MXI1: variants seen among roughly 807,000 people sequenced by gnomAD.
The protein encoded by MXI1 is max-interacting protein 1.
In MXI1, 18 loss-of-function variants were observed where a neutral mutation model predicts 36.9. The ratio of observed to expected loss-of-function variants is 0.49; its 90% CI spans 0.34 to 0.72. MXI1 has a LOEUF of 0.72. Ranked by LOEUF, MXI1 falls within the 30% of genes least tolerant of loss-of-function variation. The pLI is 0.01. For synonymous variants in MXI1, 160 were observed against 146.7 expected (o/e 1.09, Z -0.65); for missense variants, 304 against 379.1 (o/e 0.80, Z 1.64).
chr10:110,231,377 A>G (rs1855256208), intron 2 of MXI1, among the ~76,000 whole-genome samples: 1 of 142,252 alleles, frequency 7.0e-6, no homozygotes, highest in Non-Finnish European at 1.5e-5. Flanking sequence ...CCCCCCCTCA[A>G]AAAAGTAACT....
chr10:110,250,650 G>T (rs541892403), intron 3 of MXI1, among the ~76,000 whole-genome samples: 23 of 151,834 alleles, frequency 1.5e-4, no homozygotes, highest in African/African-American at 5.6e-4. Context: ...GGGCCAACAT[G>T]GTGAAACCCC....
At chr10:110,212,288 G>A (rs1321927298) in intron 1 of MXI1, among the ~76,000 whole-genome samples, 1 of 152,208 alleles carries the variant, frequency 6.6e-6, no homozygotes, top group African/African-American at 2.4e-5. Flanking sequence ...GGTAGAGGAA[G>A]CTGCTGTTGT....
chr10:110,264,491 G>C (rs1287001072), intron 3 of MXI1, among the ~76,000 whole-genome samples: 1 of 150,400 alleles, frequency 6.6e-6, no homozygotes, highest in African/African-American at 2.5e-5. Context: ...TCAGCCTCCC[G>C]AGTTGCTGGG....
At chr10:110,244,042 T>G (rs1418361) in intron 2 of MXI1, among the ~76,000 whole-genome samples, 36,762 of 151,940 alleles carry the variant, frequency 0.24, 5,538 homozygotes, top group African/African-American at 0.43. Flanking sequence ...TGAGCTTCAG[T>G]ATTCTTGATT....
At chr10:110,225,788 A>G (rs1854940483) in intron 1 of MXI1, among the ~76,000 whole-genome samples, 1 of 152,146 alleles carries the variant, frequency 6.6e-6, no homozygotes, top group Admixed American at 6.5e-5. Context: ...TTCCCTAGAG[A>G]CAGGAAAGGA....
intron 1 of MXI1, among the ~76,000 whole-genome samples, chr10:110,223,664 C>G (rs1351177420): frequency 6.6e-6 from 1 of 151,884 alleles, no homozygotes. Flanking sequence ...TAAAATAATC[C>G]AGTCCCACCC....
chr10:110,256,602 C>CAAAAA (rs58267076), intron 3 of MXI1, among the ~76,000 whole-genome samples: 7 of 48,846 alleles, frequency 1.4e-4, no homozygotes, highest in Admixed American at 2.5e-4. Flanking sequence ...GACTCTGTCT[C>CAAAAA]AAAAAAAAAA....
intron 3 of MXI1, among the ~76,000 whole-genome samples, chr10:110,273,557 T>C (rs1856928995): frequency 6.6e-6 from 1 of 152,204 alleles, no homozygotes; most frequent in Non-Finnish European, 1.5e-5. Context: ...CATTAAGTTT[T>C]AGAGACACTT....
At chr10:110,256,294 A>T (rs1321667955) in intron 3 of MXI1, among the ~76,000 whole-genome samples, 1 of 152,178 alleles carries the variant, frequency 6.6e-6, no homozygotes, top group Non-Finnish European at 1.5e-5. Flanking sequence ...AAAAGAAAAA[A>T]ATAGACACAT....
At chr10:110,259,661 C>G (rs1402439270) in intron 3 of MXI1, among the ~76,000 whole-genome samples, 2 of 151,944 alleles carry the variant, frequency 1.3e-5, no homozygotes, top group Admixed American at 1.3e-4. Context: ...TAGTATCTTG[C>G]ATTTATATTC....
chr10:110,241,289 A>G (rs993480846), intron 2 of MXI1, among the ~76,000 whole-genome samples: 3 of 152,034 alleles, frequency 2.0e-5, no homozygotes, highest in Admixed American at 2.0e-4. Context: ...GACACAATTC[A>G]TTAGTGTTTG....
intron 3 of MXI1, among the ~76,000 whole-genome samples, chr10:110,250,961 T>A (rs1856059504): frequency 8.3e-6 from 1 of 120,818 alleles, no homozygotes; most frequent in African/African-American, 3.5e-5. Flanking sequence ...ATCCTTATTA[T>A]AACTTTGGCA....
At chr10:110,273,884 G>T (rs1856942243) in intron 3 of MXI1, among the ~76,000 whole-genome samples, 1 of 152,174 alleles carries the variant, frequency 6.6e-6, no homozygotes, top group Non-Finnish European at 1.5e-5. Flanking sequence ...GGCCAGGCGG[G>T]GGTTAGATCT....
In MXI1 at chr10:110,228,234, C is replaced by T; in HGVS notation, c.320C>T (p.Pro107Leu). Residue 107 changes from proline (P) to leucine (L), a missense_variant, in exon 2 of 6, where the codon CCC becomes CTC. Physicochemically the swap from Pro to Leu is moderately conservative, Grantham distance 98 (BLOSUM62 -3). Around this residue, in one of 2 missense-constraint regions of MXI1, gnomAD observed 179 missense variants for 184.8 expected, o/e 0.97. Transcript: ENST00000332674. ...YASSFPSMPS[P>L]RLQHSKPPRR... ...TCTTCATTCCCGTCCATGCCGAGCC[C>T]CCGACTGCAGCATTCAAAGCCCCCA... 2.5e-6 allele frequency: 4 copies of T among 1,614,102 alleles called. No individual in the cohort carries two copies. Among genetic ancestry groups the T allele is most frequent in the Non-Finnish European group, 3.4e-6 (4 of 1,180,000 alleles).
intron 3 of MXI1, among the ~76,000 whole-genome samples, chr10:110,263,626 A>G (rs1164191072): frequency 1.3e-5 from 2 of 152,194 alleles, no homozygotes; most frequent in Non-Finnish European, 2.9e-5. Flanking sequence ...TTATACAAGT[A>G]TCTGGCCCTT....
chr10:110,287,277 A>AT lies in MXI1; in HGVS notation c.*2291dup, dbSNP rs1310060543. 6.6e-6 allele frequency: 1 copy of AT among 151,824 alleles called. No homozygotes were observed. The highest frequency in any genetic ancestry group is 1.5e-5 in the Non-Finnish European group (1 of 67,912). The allele number at this position is 151,824 out of a possible 1,614,324, so 9.4% of individuals were successfully genotyped here. A position where few individuals can be genotyped will look rare whatever the true frequency, so the allele number is the denominator to read the frequency against. On this transcript the variant is annotated 3_prime_UTR_variant, in exon 6 of 6. Transcript: ENST00000332674. ...TTTTCCTTGGGGTGGTGTAGATTGT[A>AT]TGAGTAAGAAGTATTAATTTTTTAA... is the stretch of plus-strand genomic sequence containing the variant.
intron 3 of MXI1, among the ~76,000 whole-genome samples, chr10:110,254,538 G>T (rs1428607520): frequency 1.3e-5 from 2 of 152,158 alleles, no homozygotes; most frequent in Non-Finnish European, 2.9e-5. Context: ...GCTTAGTGAG[G>T]AAGGCATGTC....
At chr10:110,253,304 T>C (rs1214520655) in intron 3 of MXI1, among the ~76,000 whole-genome samples, 1 of 151,968 alleles carries the variant, frequency 6.6e-6, no homozygotes, top group Non-Finnish European at 1.5e-5. Context: ...TACATGGATG[T>C]TTTGAGAGAG....
At chr10:110,234,483 A>AT (rs1801508803) in intron 2 of MXI1, among the ~76,000 whole-genome samples, 1 of 151,986 alleles carries the variant, frequency 6.6e-6, no homozygotes, top group Non-Finnish European at 1.5e-5. Flanking sequence ...TATCAAACCT[A>AT]TTTTTTTGAA....
Sources: allele counts gnomAD v4.1 joint callset (sites outside exome capture counted in the v4.1 genomes callset), GRCh38; gene constraint gnomAD v4.1.1; regional missense constraint gnomAD v4.1.1; transcripts MANE v1.5; gene names NCBI Gene and HGNC (gene_info 2026-07-23, HGNC 2026-07-21).